The following GSE1 variants were observed in gnomAD, a reference collection of about 807,000 sequenced individuals.
The protein encoded by GSE1 is genetic suppressor element 1.
In GSE1, 32 loss-of-function variants were observed where a neutral mutation model predicts 112.6. The ratio of observed to expected loss-of-function variants is 0.28; its 90% confidence interval spans 0.21 to 0.38. GSE1 has a LOEUF of 0.38. Ranked by LOEUF, GSE1 falls within the 10% of genes least tolerant of loss-of-function variation. GSE1 has a pLI of 1.00. For synonymous variants in GSE1, 1,115 were observed against 735.6 expected (o/e 1.52, Z -8.35); for missense variants, 2,348 against 1,699.2 (o/e 1.38, Z -6.71).
chr16:85,554,400 C>T (rs1161493006), upstream of GSE1, among the ~76,000 whole-genome samples: 4 of 152,120 alleles, frequency 2.6e-5, no homozygotes, highest in African/African-American at 9.7e-5. Context: ...CCGGGGCTTT[C>T]GTTACTATGG....
intron 1 of GSE1, among the ~76,000 whole-genome samples, chr16:85,576,613 C>T (rs1404488729): frequency 6.6e-6 from 1 of 152,184 alleles, no homozygotes; most frequent in African/African-American, 2.4e-5. Flanking sequence ...TAACTAAGCC[C>T]TGCCAAGAGC....
chr16:85,329,898 G>C (rs2046303406), intron 1 of GSE1, among the ~76,000 whole-genome samples: 1 of 135,556 alleles, frequency 7.4e-6, no homozygotes, highest in African/African-American at 2.7e-5. Context: ...GGGGCAGGGG[G>C]CAAGGGGCTA....
chr16:85,308,540 T>A (rs2045742881), intron 1 of GSE1, among the ~76,000 whole-genome samples: 1 of 152,056 alleles, frequency 6.6e-6, no homozygotes, highest in Non-Finnish European at 1.5e-5. Context: ...CGAAAGGAGC[T>A]CTCACCATAG....
chr16:85,614,773 G>T (rs1173057721), intron 1 of GSE1, among the ~76,000 whole-genome samples: 1 of 152,240 alleles, frequency 6.6e-6, no homozygotes, highest in East Asian at 1.9e-4. Flanking sequence ...CCGCTGCGGT[G>T]CCTTATCTGG....
chr16:85,457,151 G>T (rs2049851439), intron 2 of GSE1, among the ~76,000 whole-genome samples: 1 of 152,224 alleles, frequency 6.6e-6, no homozygotes, highest in South Asian at 2.1e-4. Context: ...GGGCAGCGGG[G>T]TCTGCCCTAG....
At chr16:85,434,855 G>A (rs2049207425) in intron 2 of GSE1, among the ~76,000 whole-genome samples, 1 of 152,238 alleles carries the variant, frequency 6.6e-6, no homozygotes. Context: ...TGGAAAGACA[G>A]GCCAGGGGCT....
intron 2 of GSE1, among the ~76,000 whole-genome samples, chr16:85,402,283 C>T (rs1203228484): frequency 6.6e-6 from 1 of 152,152 alleles, no homozygotes; most frequent in East Asian, 1.9e-4. Context: ...CCATCCTGAA[C>T]CCAAGACGCT....
chr16:85,193,771 C>T (rs186394852), intron 1 of GSE1, among the ~76,000 whole-genome samples: 1 of 152,208 alleles, frequency 6.6e-6, no homozygotes, highest in East Asian at 1.9e-4. Context: ...TTTTTAAAAG[C>T]ATTTTATTCT....
At chr16:85,323,091 T>C (rs2046148649) in intron 1 of GSE1, among the ~76,000 whole-genome samples, 1 of 152,088 alleles carries the variant, frequency 6.6e-6, no homozygotes, top group Admixed American at 6.5e-5. Flanking sequence ...GGCGTCATTG[T>C]TTGTTGTTTC....
chr16:85,460,388 G>A (rs1039652929), intron 2 of GSE1, among the ~76,000 whole-genome samples: 1 of 152,218 alleles, frequency 6.6e-6, no homozygotes, highest in Non-Finnish European at 1.5e-5. Flanking sequence ...TTGTCCCGTC[G>A]AGCAGGGGTG....
At chr16:85,491,270 A>G (rs1384889451) in intron 2 of GSE1, among the ~76,000 whole-genome samples, 1 of 152,164 alleles carries the variant, frequency 6.6e-6, no homozygotes, top group Non-Finnish European at 1.5e-5. Flanking sequence ...ACCCAGGATC[A>G]ATCTGTTTCT....
At chr16:85,544,429 C>T (rs542298300) in intron 2 of GSE1, among the ~76,000 whole-genome samples, 6 of 152,128 alleles carry the variant, frequency 3.9e-5, no homozygotes, top group South Asian at 2.1e-4. Context: ...GCTCAGGCCA[C>T]GGGGACAGTC....
chr16:85,621,859 G>A (rs1161883947), intron 1 of GSE1, among the ~76,000 whole-genome samples: 1 of 152,110 alleles, frequency 6.6e-6, no homozygotes, highest in Admixed American at 6.5e-5. Context: ...TGCCCACCTC[G>A]GGCTCATTCT....
At chr16:85,493,610 G>A (rs780278201) in intron 2 of GSE1, among the ~76,000 whole-genome samples, 5 of 151,914 alleles carry the variant, frequency 3.3e-5, no homozygotes, top group Admixed American at 6.6e-5. Context: ...AAAATTAGCC[G>A]GGCGTGGTGG....
At chr16:85,632,520 A>G (rs8056287) in intron 1 of GSE1, among the ~76,000 whole-genome samples, 18,484 of 152,198 alleles carry the variant, frequency 0.12, 1,293 homozygotes, top group Admixed American at 0.23. Flanking sequence ...CAGGTGGACA[A>G]AGGAGGTCTT....
chr16:85,493,482 A>G (rs1176089268), intron 2 of GSE1, among the ~76,000 whole-genome samples: 1 of 152,126 alleles, frequency 6.6e-6, no homozygotes. Context: ...GGCCGGGCAC[A>G]GTGGCTCACA....
chr16:85,254,389 G>T (rs1906840766), intron 1 of GSE1, among the ~76,000 whole-genome samples: 1 of 152,198 alleles, frequency 6.6e-6, no homozygotes, highest in Non-Finnish European at 1.5e-5. Context: ...TGACCCTGAA[G>T]AAGTTGTCCC....
intron 1 of GSE1, among the ~76,000 whole-genome samples, chr16:85,181,684 G>A (rs1470261148): frequency 6.6e-6 from 1 of 152,222 alleles, no homozygotes; most frequent in Admixed American, 6.5e-5. Context: ...TTGTGTGGGG[G>A]AGTGACAGTG....
intron 1 of GSE1, among the ~76,000 whole-genome samples, chr16:85,242,679 C>T (rs1039880512): frequency 6.6e-6 from 1 of 152,162 alleles, no homozygotes; most frequent in African/African-American, 2.4e-5. Context: ...ACAGCGACCC[C>T]GACCCCACTG....
Sources: gnomAD v4.1 joint callset for allele counts (sites outside exome capture counted in the v4.1 genomes callset) on GRCh38, gnomAD v4.1.1 for gene constraint, MANE v1.5 for transcripts, NCBI Gene and HGNC (gene_info 2026-07-23, HGNC 2026-07-21) for gene names.